FHOD3: variants seen among roughly 807,000 people sequenced by gnomAD.
FHOD3 encodes the protein FH1/FH2 domain-containing protein 3.
Under a neutral mutation model 173.0 loss-of-function variants are expected in FHOD3, and 90 were observed. The observed-to-expected ratio is 0.52, with a 90% confidence interval of 0.44 to 0.62. The LOEUF is 0.62. FHOD3 is among the 20% of genes least tolerant of loss of function. The probability of loss-of-function intolerance (pLI) is 0.00; values close to 1 mark genes in which losing one functional copy is unlikely to be tolerated. For missense variants in FHOD3, 1,945 were observed against 2,034.7 expected, an observed-to-expected ratio of 0.96 and a Z score of 0.85; for synonymous variants, 828 against 823.0, an observed-to-expected ratio of 1.01 and a Z score of -0.10.
intron 6 of FHOD3, among the ~76,000 whole-genome samples, chr18:36,587,387 C>A (rs929048863): frequency 6.6e-6 from 1 of 152,180 alleles, no homozygotes; most frequent in South Asian, 2.1e-4. Context: ...CCTCAGGCAT[C>A]GTATTTCCCA....
chr18:36,693,688 C>T lies in FHOD3; in HGVS notation c.2236+265C>T, dbSNP rs75831047. On this transcript the variant is annotated intron_variant, in intron 17 of 28. Transcript: ENST00000590592. ...AGGAGAATATGGAAAATAAGCTTTA[C>T]TTTAACATTTAATCCTAAATACTGG... is the stretch of plus-strand genomic sequence containing the variant. Among the ~76,000 whole-genome samples the T allele has an allele frequency of 4.2e-3, 639 of 152,276 alleles. 8 individuals are homozygous for T. The highest frequency in any genetic ancestry group is 0.015 in the African/African-American group (604 of 41,548).
chr18:36,539,821 G>T (rs939226880), intron 5 of FHOD3, among the ~76,000 whole-genome samples: 23 of 152,202 alleles, frequency 1.5e-4, no homozygotes, highest in African/African-American at 5.5e-4. Context: ...AAGTCCCCAA[G>T]AATGGACAGC....
At chr18:36,329,600 G>A (rs1397862588) in intron 1 of FHOD3, among the ~76,000 whole-genome samples, 1 of 152,198 alleles carries the variant, frequency 6.6e-6, no homozygotes, top group South Asian at 2.1e-4. Context: ...ATGGGGTAGG[G>A]TGGGGTGGTG....
intron 10 of FHOD3, among the ~76,000 whole-genome samples, chr18:36,636,658 T>G (rs1205933479): frequency 4.0e-5 from 6 of 148,930 alleles, no homozygotes; most frequent in African/African-American, 4.9e-5. Flanking sequence ...TTCCTGAGGT[T>G]TTTTTTTTTT....
intron 13 of FHOD3, among the ~76,000 whole-genome samples, chr18:36,654,255 T>C (rs1045270078): frequency 6.6e-6 from 1 of 152,172 alleles, no homozygotes; most frequent in Non-Finnish European, 1.5e-5. Flanking sequence ...CTTCATACCA[T>C]GAAAATGACC....
At chr18:36,625,857 A>G in intron 10 of FHOD3, 108 bp downstream of exon 10, 1 of 907,548 alleles carries the variant, frequency 1.1e-6, no homozygotes, top group Non-Finnish European at 1.6e-6. Context: ...TCCCCCACCC[A>G]GCATTGCTCC....
At chr18:36,626,943 G>T (rs1451892680) in intron 10 of FHOD3, among the ~76,000 whole-genome samples, 1 of 152,208 alleles carries the variant, frequency 6.6e-6, no homozygotes, top group African/African-American at 2.4e-5. Flanking sequence ...GGAGGGACTG[G>T]TTTGAGATAG....
chr18:36,585,668 C>T (rs2059002724), intron 6 of FHOD3, among the ~76,000 whole-genome samples: 1 of 152,192 alleles, frequency 6.6e-6, no homozygotes, highest in African/African-American at 2.4e-5. Flanking sequence ...TCTTAAGAGG[C>T]TTGCTGATAA....
intron 5 of FHOD3, among the ~76,000 whole-genome samples, chr18:36,529,938 G>C (rs1568388941): frequency 1.3e-5 from 2 of 152,014 alleles, no homozygotes; most frequent in African/African-American, 4.8e-5. Context: ...GTAGCGACAG[G>C]CTCTGTGAGG....
intron 14 of FHOD3, among the ~76,000 whole-genome samples, chr18:36,670,089 A>G (rs149828413): frequency 6.8e-4 from 103 of 151,910 alleles, no homozygotes; most frequent in African/African-American, 2.1e-3. Context: ...ATTGTTTTTG[A>G]TGATAAATCT....
In FHOD3 at chr18:36,514,014, C is replaced by CTTTTTTTTTTTTTTTTTTT. The variant is rs58493993; in HGVS notation, c.511+1483_511+1484insTTTTTTTTTTTTTTTTTTT. Among the ~76,000 whole-genome samples the CTTTTTTTTTTTTTTTTTTT allele has an allele frequency of 6.4e-4, 67 of 104,630 alleles. 2 individuals are homozygous for CTTTTTTTTTTTTTTTTTTT. Among genetic ancestry groups the CTTTTTTTTTTTTTTTTTTT allele is most frequent in the African/African-American group, 9.5e-4 (26 of 27,410 alleles). The allele number at this position is 104,630 out of a possible 152,430, so 68.6% of individuals were successfully genotyped here. A position where few individuals can be genotyped will look rare whatever the true frequency, so the allele number is the denominator to read the frequency against. On this transcript the variant is annotated intron_variant, in intron 5 of 28. Coordinates refer to ENST00000590592, the MANE Select transcript of FHOD3 (RefSeq NM_001281740.3). The stretch of plus-strand genomic sequence containing the variant: ...ATTGCTGAATTTTGCTATTTCTATT[C>CTTTTTTTTTTTTTTTTTTT]TTTTTTTTTTTTGAGATGGAGTCTT...
intron 1 of FHOD3, among the ~76,000 whole-genome samples, chr18:36,308,742 G>A (rs1465980604): frequency 6.6e-6 from 1 of 152,000 alleles, no homozygotes; most frequent in East Asian, 1.9e-4. Context: ...CCTAGGACAG[G>A]GTCTGTTACA....
chr18:36,743,881 G>A, intron 22 of FHOD3, 151 bp from the exon 23 acceptor site: 1 of 839,698 alleles, frequency 1.2e-6, no homozygotes. Context: ...TGTGTGATCA[G>A]CCATGGATCA....
At chr18:36,563,364 A>C (rs2058154742) in intron 5 of FHOD3, among the ~76,000 whole-genome samples, 1 of 152,230 alleles carries the variant, frequency 6.6e-6, no homozygotes, top group Non-Finnish European at 1.5e-5. Flanking sequence ...CAGACACTTC[A>C]TAATACACCC....
intron 3 of FHOD3, among the ~76,000 whole-genome samples, chr18:36,466,440 G>T (rs916407198): frequency 6.6e-6 from 1 of 152,148 alleles, no homozygotes; most frequent in South Asian, 2.1e-4. Context: ...GCTTTTAAAG[G>T]CAGGGGTATA....
intron 7 of FHOD3, among the ~76,000 whole-genome samples, chr18:36,600,985 G>A (rs924164331): frequency 6.6e-6 from 1 of 152,172 alleles, no homozygotes; most frequent in Non-Finnish European, 1.5e-5. Context: ...AACACAAATG[G>A]CGGCATCCAG....
intron 3 of FHOD3, among the ~76,000 whole-genome samples, chr18:36,387,781 G>A (rs772681692): frequency 1.7e-4 from 26 of 152,188 alleles, no homozygotes; most frequent in Admixed American, 5.9e-4. Context: ...CACCCCTCTG[G>A]ATGTCCCCTG....
intron 1 of FHOD3, among the ~76,000 whole-genome samples, chr18:36,347,590 A>G (rs1347089574): frequency 6.6e-6 from 1 of 152,258 alleles, no homozygotes; most frequent in African/African-American, 2.4e-5. Flanking sequence ...AAGTAAATAC[A>G]TTCATATTAT....
chr18:36,512,374 C>T (rs2055704083), intron 4 of FHOD3, 64 bp from the exon 5 acceptor site: 4 of 1,233,306 alleles, frequency 3.2e-6, no homozygotes, highest in Non-Finnish European at 4.7e-6. Flanking sequence ...GTTTTAGCAG[C>T]ACAGCTGGGA....
Sources: allele counts gnomAD v4.1 joint callset (sites outside exome capture counted in the v4.1 genomes callset), GRCh38; gene constraint gnomAD v4.1.1; transcripts MANE v1.5; gene names NCBI Gene and HGNC (gene_info 2026-07-23, HGNC 2026-07-21).